The following KBTBD8 variants were observed in gnomAD, a reference collection of about 807,000 sequenced individuals.
The protein encoded by KBTBD8 is kelch repeat and BTB domain-containing protein 8.
In KBTBD8, 31 loss-of-function variants were observed where a neutral mutation model predicts 53.5. That is an observed-to-expected ratio of 0.58 (90% CI 0.44 to 0.78). The LOEUF is 0.78. Among genes scored for constraint, KBTBD8 ranks in the 30% least tolerant of loss-of-function variants. KBTBD8 has a pLI of 0.00. For synonymous variants in KBTBD8, 250 were observed against 247.3 expected (o/e 1.01, Z -0.10); for missense variants, 642 against 735.8 (o/e 0.87, Z 1.48).
intron 3 of KBTBD8, among the ~76,000 whole-genome samples, 177 bp downstream of exon 3, chr3:67,004,486 A>T (rs771373700): frequency 6.6e-6 from 1 of 152,206 alleles, no homozygotes; most frequent in African/African-American, 2.4e-5. Flanking sequence ...CTCTTGAATT[A>T]AAAAAAGGCA....
intron 2 of KBTBD8, among the ~76,000 whole-genome samples, chr3:67,000,379 C>T (rs1284579086): frequency 6.6e-6 from 1 of 152,182 alleles, no homozygotes; most frequent in Admixed American, 6.5e-5. Flanking sequence ...CCCAGATTAT[C>T]TATTAGATAT....
rs978623682 is a variant in KBTBD8, at chr3:67,003,637, G to T, written c.670G>T (p.Glu224Ter). 3.1e-6 allele frequency: 5 copies of T among 1,614,064 alleles called. No homozygotes were observed. Among genetic ancestry groups the T allele is most frequent in the Non-Finnish European group, 4.2e-6 (5 of 1,179,986 alleles). Residue 224 changes from glutamate (E) to a stop codon, truncating the protein, a stop_gained, in exon 3 of 4, where the codon GAA (glutamate) becomes TAA (stop). Transcript: ENST00000417314. LOFTEE classifies it high-confidence loss of function. ...YESIIRWFEHEQNEREVHLPE... is the reference protein window; with the variant it reads ...YESIIRWFEH ...AAGCATTATAAGGTGGTTTGAGCAT[G>T]AACAGAATGAAAGAGAAGTGCACCT...
rs35999415 is a variant in KBTBD8, at chr3:67,004,140, A to T, written c.1173A>T (p.Lys391Asn). 2.1e-4 allele frequency: 334 copies of T among 1,614,218 alleles called. No individual in the cohort carries two copies. The African/African-American group carries it at 3.9e-3, about 19-fold the overall frequency. ...GCAAACTTGTCTATTGCTGTGGTAAAATGTATGCAATCGGAGGTCGTGTTT... is the reference window on the plus strand; with the variant it reads ...GCAAACTTGTCTATTGCTGTGGTAATATGTATGCAATCGGAGGTCGTGTTT... ...IGCKLVYCCG[K>N]MYAIGGRVYE... Residue 391 changes from lysine (K) to asparagine (N), a missense_variant, in exon 3 of 4, where the codon AAA becomes AAT. Coordinates refer to ENST00000417314, the MANE Select transcript of KBTBD8 (RefSeq NM_032505.3).
chr3:66,999,264 T>G, intron 2 of KBTBD8, 73 bp downstream of exon 2: 1 of 1,144,076 alleles, frequency 8.7e-7, no homozygotes, highest in Non-Finnish European at 1.3e-6. Flanking sequence ...GTCCACTTGA[T>G]GTTTATATTG....
Position 67,003,952 on chromosome 3 carries a change from A to G in KBTBD8, c.985A>G (p.Ile329Val), listed in dbSNP as rs1702040961. ...ACCAAATGACCTGAGAGAAGTTGGG[A>G]TTCTTGTATCACCAGATAATGACAT... ...KPPNDLREVG[I>V]LVSPDNDIYI... Residue 329 changes from isoleucine to valine, a missense_variant, in exon 3 of 4, where the codon ATT becomes GTT. Physicochemically the swap from Ile to Val is conservative, Grantham distance 29. Coordinates refer to ENST00000417314, the MANE Select transcript of KBTBD8 (RefSeq NM_032505.3). 6.2e-7 allele frequency: 1 copy of G among 1,614,016 alleles called. No homozygotes were observed. Among genetic ancestry groups the G allele is most frequent in the African/African-American group, 1.3e-5 (1 of 74,936 alleles).
In KBTBD8 at chr3:67,003,717, A is replaced by T; in HGVS notation, c.750A>T (p.Ile250=). 4 of 1,614,066 alleles carry T rather than the reference A, an allele frequency of 2.5e-6. No homozygotes were observed. In the East Asian group the frequency reaches 8.9e-5, roughly 36 times the overall value. ...TTCCTCTGATGGAAGATACCTTTAT[A>T]GAGAAAATTCCACCTCAGTTTGCAC... ...IRFPLMEDTF[I]EKIPPQFAQA... is the part of the protein sequence containing the mutation. The change falls in exon 3 of 4, where the codon ATA becomes ATT. Residue 250 remains isoleucine (I), a synonymous_variant. Transcript: ENST00000417314.
chr3:66,999,354 T>C (rs1287151192), intron 2 of KBTBD8, among the ~76,000 whole-genome samples, 163 bp downstream of exon 2: 1 of 152,202 alleles, frequency 6.6e-6, no homozygotes, highest in Non-Finnish European at 1.5e-5. Context: ...AGACCTTCTT[T>C]TGACTTGAGG....
chr3:67,001,282 A>G (rs942690486), intron 2 of KBTBD8, among the ~76,000 whole-genome samples: 2 of 152,188 alleles, frequency 1.3e-5, no homozygotes, highest in Non-Finnish European at 2.9e-5. Flanking sequence ...TAATGTTTCT[A>G]CGTCTTGCAT....
At chr3:67,002,543 G>A (rs552323152) in intron 2 of KBTBD8, among the ~76,000 whole-genome samples, 3 of 117,582 alleles carry the variant, frequency 2.6e-5, no homozygotes, top group Non-Finnish European at 1.7e-5. Context: ...TTGAGATGGA[G>A]TCTCACTCTG....
rs1702109464 is a variant in KBTBD8, at chr3:67,010,660, A to C, written c.*2275A>C. 6.6e-6 allele frequency: 1 copy of C among 152,622 alleles called. No individual in the cohort carries two copies. The highest frequency in any genetic ancestry group is 1.5e-5 in the Non-Finnish European group (1 of 68,018). 9.5% of individuals were successfully genotyped at this position (152,622 alleles called of 1,614,324 possible). A position where few individuals can be genotyped will look rare whatever the true frequency, so the allele number is the denominator to read the frequency against. On this transcript the variant is annotated 3_prime_UTR_variant, in exon 4 of 4. Coordinates refer to ENST00000417314, the MANE Select transcript of KBTBD8 (RefSeq NM_032505.3). ...ATTTTGCCACTGTTAAAATGGATTC[A>C]GAAGAGGTCCTAGAAAAGTAAGATT... is the stretch of plus-strand genomic sequence containing the variant.
chr3:66,998,499 G>A lies in KBTBD8; in HGVS notation c.16+128G>A, dbSNP rs1213744117. On this transcript the variant is annotated intron_variant, in intron 1 of 3. Transcript: ENST00000417314. ...GAGGGAAGGATGAAGCGGTGGAGGG[G>A]AATGAGAAGAGGGAGGATGAATGGT... is the stretch of plus-strand genomic sequence containing the variant. 8 of 753,648 alleles carry A rather than the reference G, an allele frequency of 1.1e-5. No homozygotes were observed. In the African/African-American group the frequency reaches 1.1e-4, roughly 10 times the overall value. 46.7% of individuals were successfully genotyped at this position (753,648 alleles called of 1,614,324 possible).
chr3:67,009,381 T>C lies in KBTBD8; in HGVS notation c.*996T>C, dbSNP rs1177045634. 1 of 152,634 alleles carries C rather than the reference T, an allele frequency of 6.6e-6. No homozygotes were observed. The highest frequency in any genetic ancestry group is 1.5e-5 in the Non-Finnish European group (1 of 68,018). 9.5% of individuals were successfully genotyped at this position (152,634 alleles called of 1,614,324 possible). A position where few individuals can be genotyped will look rare whatever the true frequency, so the allele number is the denominator to read the frequency against. On this transcript the variant is annotated 3_prime_UTR_variant, in exon 4 of 4. Coordinates refer to ENST00000417314, the MANE Select transcript of KBTBD8 (RefSeq NM_032505.3). ...CTTCCATCTACCTGTCCATTCATTATTGGTACAAGGAAAGGTAACTTATTT... is the reference window on the plus strand; with the variant it reads ...CTTCCATCTACCTGTCCATTCATTACTGGTACAAGGAAAGGTAACTTATTT...
chr3:66,998,427 G>A (rs976608711), intron 1 of KBTBD8, 56 bp downstream of exon 1: 7 of 1,213,928 alleles, frequency 5.8e-6, no homozygotes, highest in East Asian at 6.3e-5. Flanking sequence ...AAGGTGGGCC[G>A]GGGCCGGCCA....
rs1325303219 is a variant in KBTBD8, at chr3:66,998,367, G to C, written c.12G>C (p.Ser4=). 1.5e-6 allele frequency: 2 copies of C among 1,294,928 alleles called. No individual in the cohort carries two copies. Among genetic ancestry groups the C allele is most frequent in the Non-Finnish European group, 2.0e-6 (2 of 1,012,770 alleles). 80.2% of individuals were successfully genotyped at this position (1,294,928 alleles called of 1,614,324 possible). Reference sequence around the variant, plus strand: ...GGCCCCATCGAGAAATGGCCGCGTCGGCAGGTGGGTCGTGTGGTGGCCAGG... The same window carrying C: ...GGCCCCATCGAGAAATGGCCGCGTCCGCAGGTGGGTCGTGTGGTGGCCAGG... MAA[S]ADLSKSSPTP... Residue 4 remains serine (S), a synonymous_variant, in exon 1 of 4, where the codon TCG becomes TCC. Transcript: ENST00000417314.
At position 67,003,493 on chromosome 3, in the gene KBTBD8, C is replaced by T. The variant is rs1702035742; in HGVS notation, c.526C>T (p.Arg176Cys). 6.2e-7 allele frequency: 1 copy of T among 1,613,900 alleles called. No homozygotes were observed. The highest frequency in any genetic ancestry group is 8.5e-7 in the Non-Finnish European group (1 of 1,179,960). Residue 176 changes from arginine to cysteine, a missense_variant, in exon 3 of 4, where the codon CGT becomes TGT. By Grantham distance (180) the Arg-to-Cys change is radical. Transcript: ENST00000417314. ...ELGDRSKEYIRKKFLCVTKEQ... is the reference protein window; with the variant it reads ...ELGDRSKEYICKKFLCVTKEQ... ...CGGAGATCGATCAAAAGAATACATT[C>T]GTAAAAAGTTTCTGTGTGTCACCAA... is the stretch of plus-strand genomic sequence containing the variant.
Position 67,003,966 on chromosome 3 carries a change from A to G in KBTBD8, c.999A>G (p.Pro333=). 6.2e-7 allele frequency: 1 copy of G among 1,614,174 alleles called. No homozygotes were observed. Among genetic ancestry groups the G allele is most frequent in the Non-Finnish European group, 8.5e-7 (1 of 1,180,026 alleles). Residue 333 remains proline (P), a synonymous_variant, in exon 3 of 4, where the codon CCA becomes CCG. Transcript: ENST00000417314. The part of the protein sequence containing the change: ...DLREVGILVS[P]DNDIYIAGGY... ...GAGAAGTTGGGATTCTTGTATCACC[A>G]GATAATGACATTTACATTGCAGGAG...
At chr3:67,005,802 C>T (rs1359176124) in intron 3 of KBTBD8, among the ~76,000 whole-genome samples, 1 of 151,890 alleles carries the variant, frequency 6.6e-6, no homozygotes, top group African/African-American at 2.4e-5. Flanking sequence ...CAGTCTCAGG[C>T]ATCTGCCACC....
At position 66,999,154 on chromosome 3, in the gene KBTBD8, C is replaced by T; in HGVS notation, c.190C>T (p.His64Tyr). Residue 64 changes from histidine (H) to tyrosine (Y), a missense_variant, in exon 2 of 4, where the codon CAT (histidine) becomes TAT (tyrosine). Coordinates refer to ENST00000417314, the MANE Select transcript of KBTBD8 (RefSeq NM_032505.3). ...GGATCACGGGAAAACATTTTCCTGT[C>T]ATAGAAACGTTCTTGCTGCAATCAG... ...EVDHGKTFSCHRNVLAAISPY... is the reference protein window; with the variant it reads ...EVDHGKTFSCYRNVLAAISPY... The T allele has an allele frequency of 6.2e-7, 1 of 1,614,166 alleles. No individual in the cohort carries two copies. The highest frequency in any genetic ancestry group is 8.5e-7 in the Non-Finnish European group (1 of 1,180,016).
intron 2 of KBTBD8, 109 bp downstream of exon 2, chr3:66,999,300 T>A: frequency 3.4e-6 from 3 of 890,932 alleles, no homozygotes; most frequent in Non-Finnish European, 5.4e-6. Flanking sequence ...ATGAAACCAA[T>A]GACTTTGTTT....
Sources: allele counts gnomAD v4.1 joint callset (sites outside exome capture counted in the v4.1 genomes callset), GRCh38; gene constraint gnomAD v4.1.1; transcripts MANE v1.5; gene names NCBI Gene and HGNC (gene_info 2026-07-23, HGNC 2026-07-21).